ARSB: variants seen among roughly 807,000 people sequenced by gnomAD.
ARSB encodes the protein arylsulfatase B, also known as N-acetylgalactosamine-4-sulfatase.
In ARSB, 41 loss-of-function variants were observed where a neutral mutation model predicts 50.9. That is an observed-to-expected ratio of 0.81 (90% confidence interval 0.63 to 1.04). ARSB has a LOEUF of 1.04. Among genes scored for constraint, ARSB ranks in the 50% least tolerant of loss-of-function variants. ARSB has a pLI of 0.00. For missense variants in ARSB, 672 were observed against 693.3 expected, an observed-to-expected ratio of 0.97 and a Z score of 0.35; for synonymous variants, 269 against 284.8, an observed-to-expected ratio of 0.94 and a Z score of 0.56.
At chr5:78,975,252 C>T (rs1307739288) in intron 1 of ARSB, among the ~76,000 whole-genome samples, 2 of 152,260 alleles carry the variant, frequency 1.3e-5, no homozygotes, top group African/African-American at 2.4e-5. Flanking sequence ...AAAGGGAGGG[C>T]ATGCTCAGGC....
intron 6 of ARSB, among the ~76,000 whole-genome samples, chr5:78,812,607 ACAC>A (rs1743850785): frequency 6.7e-6 from 1 of 149,928 alleles, no homozygotes; most frequent in Admixed American, 6.7e-5. Context: ...ACACACACAC[ACAC>A]ACACACACAC....
At chr5:78,845,703 C>T (rs1340318694) in intron 5 of ARSB, among the ~76,000 whole-genome samples, 1 of 152,022 alleles carries the variant, frequency 6.6e-6, no homozygotes, top group Non-Finnish European at 1.5e-5. Context: ...CTATTCAGCT[C>T]ATTTACCCAT....
In ARSB at chr5:78,885,790, C is replaced by A. The variant is rs759384989; in HGVS notation, c.936G>T (p.Trp312Cys). 8.7e-6 allele frequency: 14 copies of A among 1,614,160 alleles called. No homozygotes were observed. The highest frequency in any genetic ancestry group is 1.2e-5 in the Non-Finnish European group (14 of 1,180,030). Residue 312 changes from tryptophan to cysteine, a missense_variant, in exon 5 of 8, where the codon TGG (tryptophan) becomes TGT (cysteine). Physicochemically the swap from Trp to Cys is radical, Grantham distance 215. Coordinates refer to ENST00000264914, the MANE Select transcript of ARSB (RefSeq NM_000046.5). Reference sequence around the variant, plus strand: ...GGCTCCATTTTCTTCCTCGAAGGGGCCAGTTATTACCCCCTGCCAAAGTCT... The same window carrying A: ...GGCTCCATTTTCTTCCTCGAAGGGGACAGTTATTACCCCCTGCCAAAGTCT... The part of the protein sequence containing the change: ...GGQTLAGGNN[W>C]PLRGRKWSLW...
chr5:78,968,226 C>A (rs374321728), intron 2 of ARSB, among the ~76,000 whole-genome samples: 1 of 146,272 alleles, frequency 6.8e-6, no homozygotes, highest in Non-Finnish European at 1.5e-5. Flanking sequence ...TCCCCCACCC[C>A]CTTCAAAAAA....
chr5:78,957,462 A>G (rs1751781462), intron 3 of ARSB, among the ~76,000 whole-genome samples: 2 of 152,208 alleles, frequency 1.3e-5, no homozygotes, highest in Non-Finnish European at 2.9e-5. Flanking sequence ...AAACTCACAA[A>G]GTTAAAAATA....
intron 6 of ARSB, among the ~76,000 whole-genome samples, chr5:78,801,436 C>T (rs1052166355): frequency 6.6e-6 from 1 of 152,158 alleles, no homozygotes; most frequent in African/African-American, 2.4e-5. Flanking sequence ...TCTGGAATGG[C>T]ATCACTGGAA....
intron 5 of ARSB, among the ~76,000 whole-genome samples, chr5:78,862,571 C>T (rs1276722773): frequency 6.6e-6 from 1 of 152,140 alleles, no homozygotes; most frequent in Non-Finnish European, 1.5e-5. Context: ...AAACTGGATC[C>T]CTTCCTTACA....
intron 5 of ARSB, among the ~76,000 whole-genome samples, chr5:78,846,664 T>G (rs1745458591): frequency 1.3e-5 from 2 of 152,112 alleles, no homozygotes; most frequent in Admixed American, 6.6e-5. Context: ...GCTTTTAGGG[T>G]TTTCTGTATA....
chr5:78,838,266 G>A (rs138437556), intron 6 of ARSB, among the ~76,000 whole-genome samples: 1 of 152,270 alleles, frequency 6.6e-6, no homozygotes, highest in Non-Finnish European at 1.5e-5. Flanking sequence ...GGTTTTTAAG[G>A]GATGAGAGAG....
intron 1 of ARSB, among the ~76,000 whole-genome samples, chr5:78,979,742 A>G (rs1461805502): frequency 6.6e-6 from 1 of 152,242 alleles, no homozygotes; most frequent in Non-Finnish European, 1.5e-5. Context: ...CAAGGACCTC[A>G]TCGTTAGCTG....
intron 4 of ARSB, among the ~76,000 whole-genome samples, chr5:78,896,005 C>T (rs995692730): frequency 6.6e-5 from 10 of 151,966 alleles, no homozygotes; most frequent in Non-Finnish European, 1.2e-4. Flanking sequence ...CTGGAGGAGC[C>T]GGGGGGCAGA....
At chr5:78,883,098 T>C (rs1169884252) in intron 5 of ARSB, 1 of 152,194 alleles carries the variant, frequency 6.6e-6, no homozygotes, top group Non-Finnish European at 1.5e-5. Context: ...ATTTTTATTT[T>C]TTGTAGTTTG....
intron 6 of ARSB, among the ~76,000 whole-genome samples, chr5:78,790,795 A>C (rs770310909): frequency 1.3e-5 from 2 of 152,182 alleles, no homozygotes; most frequent in African/African-American, 4.8e-5. Flanking sequence ...GGCAAAAATC[A>C]CTATTATATC....
At chr5:78,824,758 G>C (rs750521146) in intron 6 of ARSB, among the ~76,000 whole-genome samples, 1 of 152,212 alleles carries the variant, frequency 6.6e-6, no homozygotes, top group Non-Finnish European at 1.5e-5. Context: ...ACTGCTGAGA[G>C]AGACAGTAGC....
intron 5 of ARSB, among the ~76,000 whole-genome samples, chr5:78,874,844 C>G (rs1747414005): frequency 6.6e-6 from 1 of 152,172 alleles, no homozygotes; most frequent in African/African-American, 2.4e-5. Flanking sequence ...AGTGATGGCT[C>G]ACACCTGTAA....
intron 5 of ARSB, among the ~76,000 whole-genome samples, chr5:78,851,905 T>C (rs1212433695): frequency 1.3e-5 from 2 of 152,142 alleles, no homozygotes; most frequent in Non-Finnish European, 2.9e-5. Flanking sequence ...TTGTTTTCCA[T>C]TTGCTTGGTA....
chr5:78,851,020 T>G (rs1281319535), intron 5 of ARSB, among the ~76,000 whole-genome samples: 1 of 152,244 alleles, frequency 6.6e-6, no homozygotes, highest in Non-Finnish European at 1.5e-5. Flanking sequence ...GCTCCTGGAT[T>G]CATTAATTTT....
At chr5:78,890,183 G>A (rs188625464) in intron 4 of ARSB, among the ~76,000 whole-genome samples, 1 of 151,670 alleles carries the variant, frequency 6.6e-6, no homozygotes, top group East Asian at 1.9e-4. Flanking sequence ...ATCTTCTCCT[G>A]CTAAAAGATT....
chr5:78,865,303 G>A (rs193120571), intron 5 of ARSB, among the ~76,000 whole-genome samples: 9 of 152,300 alleles, frequency 5.9e-5, no homozygotes, highest in East Asian at 1.9e-4. Flanking sequence ...TCAACACCAC[G>A]TGGAAGCTGC....
Sources: allele counts gnomAD v4.1 joint callset (sites outside exome capture counted in the v4.1 genomes callset), GRCh38; gene constraint gnomAD v4.1.1; transcripts MANE v1.5; gene names NCBI Gene and HGNC (gene_info 2026-07-23, HGNC 2026-07-21).